Variants in SOX5 observed in about 807,000 individuals in gnomAD.
The protein encoded by SOX5 is transcription factor SOX-5.
In SOX5, 9 loss-of-function variants were observed where a neutral mutation model predicts 92.0. The observed-to-expected ratio is 0.10, with a 90% confidence interval of 0.06 to 0.17. The LOEUF is 0.17. Among genes scored for constraint, SOX5 ranks in the 10% least tolerant of loss-of-function variants. SOX5 has a pLI of 1.00. For synonymous variants in SOX5, 344 were observed against 336.3 expected (o/e 1.02, Z -0.25); for missense variants, 642 against 944.5 (o/e 0.68, Z 4.20).
At chr12:24,017,614 AATAAAATAAC>A (rs1282441192) in intron 4 of SOX5, among the ~76,000 whole-genome samples, 56 of 152,002 alleles carry the variant, frequency 3.7e-4, no homozygotes, top group African/African-American at 1.3e-3. Context: ...AATAAAATAA[AATAAAATAAC>A]ATAAAATAAA....
chr12:23,585,354 G>A (rs1450922043), intron 9 of SOX5, among the ~76,000 whole-genome samples: 4 of 152,126 alleles, frequency 2.6e-5, no homozygotes, highest in Non-Finnish European at 5.9e-5. Flanking sequence ...AGAGATGTCT[G>A]CTAACAAAGC....
intron 2 of SOX5, among the ~76,000 whole-genome samples, chr12:24,305,925 T>A (rs1948513309): frequency 1.3e-5 from 2 of 152,052 alleles, no homozygotes; most frequent in African/African-American, 2.4e-5. Context: ...GATCTCCACC[T>A]CAGAATCCAC....
intron 4 of SOX5, among the ~76,000 whole-genome samples, chr12:23,995,005 G>A (rs1306145566): frequency 1.3e-5 from 2 of 152,190 alleles, no homozygotes; most frequent in Admixed American, 1.3e-4. Context: ...ATCTGTGCAA[G>A]GGATGATTCT....
intron 1 of SOX5, among the ~76,000 whole-genome samples, chr12:24,440,941 C>A (rs993469134): frequency 1.3e-5 from 2 of 152,258 alleles, no homozygotes; most frequent in East Asian, 1.9e-4. Flanking sequence ...TTTAAGAAAC[C>A]AAGACTTTGC....
chr12:23,736,849 C>T (rs1279863344), intron 5 of SOX5, among the ~76,000 whole-genome samples: 1 of 151,800 alleles, frequency 6.6e-6, no homozygotes, highest in African/African-American at 2.4e-5. Context: ...CACCACCATG[C>T]CTGATTAATT....
intron 1 of SOX5, among the ~76,000 whole-genome samples, chr12:24,435,355 G>A (rs1404574468): frequency 2.0e-5 from 3 of 152,166 alleles, no homozygotes; most frequent in Non-Finnish European, 2.9e-5. Context: ...GCACTTCCTA[G>A]TACATGAGCC....
At chr12:24,282,367 T>C (rs557627339) in intron 2 of SOX5, among the ~76,000 whole-genome samples, 1 of 149,916 alleles carries the variant, frequency 6.7e-6, no homozygotes, top group Non-Finnish European at 1.5e-5. Flanking sequence ...TAAAAATAAA[T>C]CAATAAATAA....
chr12:23,950,989 A>G, upstream of SOX5: 1 of 773,326 alleles, frequency 1.3e-6, no homozygotes, highest in Non-Finnish European at 2.2e-6. Context: ...ACACACACAC[A>G]CACACACACA....
intron 4 of SOX5, among the ~76,000 whole-genome samples, chr12:23,963,996 C>CA (rs904754780): frequency 3.2e-4 from 47 of 145,518 alleles, no homozygotes; most frequent in South Asian, 1.1e-3. Flanking sequence ...ACCAACCAAA[C>CA]AAAAAAAAAA....
chr12:23,751,114 A>G (rs113625059), intron 4 of SOX5, among the ~76,000 whole-genome samples: 1 of 151,868 alleles, frequency 6.6e-6, no homozygotes, highest in African/African-American at 2.4e-5. Flanking sequence ...TTAGATTAAA[A>G]ACATTAAACA....
At chr12:24,459,352 C>T (rs578020822) in intron 1 of SOX5, among the ~76,000 whole-genome samples, 2 of 152,238 alleles carry the variant, frequency 1.3e-5, no homozygotes, top group South Asian at 2.1e-4. Context: ...CACATCAAAG[C>T]TCAAAGCTAG....
chr12:24,176,732 G>A (rs1476217323), intron 4 of SOX5, among the ~76,000 whole-genome samples: 1 of 152,138 alleles, frequency 6.6e-6, no homozygotes, highest in Non-Finnish European at 1.5e-5. Flanking sequence ...CATTGCACTA[G>A]GGGCAAAGAT....
intron 2 of SOX5, among the ~76,000 whole-genome samples, chr12:24,312,134 C>T (rs1349950532): frequency 6.6e-6 from 1 of 152,026 alleles, no homozygotes; most frequent in African/African-American, 2.4e-5. Context: ...TTTTCTGCTC[C>T]CACTGATGAC....
At chr12:23,942,770 G>T (rs1943901322) in intron 1 of SOX5, among the ~76,000 whole-genome samples, 1 of 151,762 alleles carries the variant, frequency 6.6e-6, no homozygotes, top group South Asian at 2.1e-4. Flanking sequence ...ATTGGGAAAG[G>T]TAGGGGAACC....
intron 1 of SOX5, among the ~76,000 whole-genome samples, chr12:24,522,554 C>T (rs1021226453): frequency 1.3e-5 from 2 of 152,066 alleles, no homozygotes; most frequent in Non-Finnish European, 2.9e-5. Context: ...AACTCAACAG[C>T]ATATTAAAAG....
In SOX5 at chr12:23,536,668, T is replaced by C. The variant is rs374480313; in HGVS notation, c.1773A>G (p.Gly591=). ...MHNSNISKIL[G]SRWKAMTNLE... is the part of the protein sequence containing the mutation. ...GGTTTGTCATAGCTTTCCAGCGAGA[T>C]CCTATGAAGAAAGGAGGTTAGGATT... is the stretch of plus-strand genomic sequence containing the variant. The change falls in exon 14 of 15, where the codon GGA becomes GGG. Residue 591 remains glycine, a splice_region_variant and synonymous_variant. Coordinates refer to ENST00000451604, the MANE Select transcript of SOX5 (RefSeq NM_006940.6). The C allele has an allele frequency of 1.2e-6, 2 of 1,612,852 alleles. No homozygotes were observed. The highest frequency in any genetic ancestry group is 1.7e-6 in the Non-Finnish European group (2 of 1,178,848).
intron 1 of SOX5, among the ~76,000 whole-genome samples, chr12:23,903,304 G>C (rs1205423710): frequency 1.3e-5 from 2 of 152,118 alleles, no homozygotes; most frequent in Non-Finnish European, 2.9e-5. Flanking sequence ...AGACACAGAG[G>C]GCTTGGTGTG....
chr12:23,611,449 A>G (rs2075949389), intron 8 of SOX5, among the ~76,000 whole-genome samples: 1 of 151,854 alleles, frequency 6.6e-6, no homozygotes, highest in African/African-American at 2.4e-5. Context: ...GATGGACAAT[A>G]AGGTTGATTC....
At chr12:23,648,835 GGAAAA>G (rs1203452313) in intron 7 of SOX5, among the ~76,000 whole-genome samples, 2 of 152,012 alleles carry the variant, frequency 1.3e-5, no homozygotes, top group Admixed American at 6.6e-5. Context: ...AGTGAATTGG[GGAAAA>G]GAAAAGACTG....
Sources: allele counts gnomAD v4.1 joint callset (sites outside exome capture counted in the v4.1 genomes callset), GRCh38; gene constraint gnomAD v4.1.1; transcripts MANE v1.5; gene names NCBI Gene and HGNC (gene_info 2026-07-23, HGNC 2026-07-21).